The following PPFIA1 variants were observed in gnomAD, a reference collection of about 807,000 sequenced individuals.
PPFIA1 encodes the protein liprin-alpha-1.
Under a neutral mutation model 149.9 loss-of-function variants are expected in PPFIA1, and 25 were observed. The observed-to-expected ratio is 0.17, with a 90% confidence interval of 0.12 to 0.23. The LOEUF (loss-of-function observed/expected upper bound fraction) is 0.23, where lower values mean the gene tolerates loss of function less well. Among genes scored for constraint, PPFIA1 ranks in the 10% least tolerant of loss-of-function variants. The pLI, the probability that PPFIA1 is intolerant of heterozygous loss-of-function variation, is 1.00. For synonymous variants in PPFIA1, 549 were observed against 552.8 expected (o/e 0.99, Z 0.10); for missense variants, 1,362 against 1,506.5 (o/e 0.90, Z 1.59).
intron 21 of PPFIA1, among the ~76,000 whole-genome samples, chr11:70,370,344 C>T (rs760980563): frequency 4.4e-4 from 66 of 151,540 alleles, no homozygotes; most frequent in Non-Finnish European, 1.5e-4. Flanking sequence ...TACCTTGTTC[C>T]TTCTGCTTGC....
At chr11:70,335,492 G>C in intron 10 of PPFIA1, 71 bp from the exon 11 acceptor site, 1 of 1,565,408 alleles carries the variant, frequency 6.4e-7, no homozygotes, top group Non-Finnish European at 8.7e-7. Flanking sequence ...CACCCTGTTG[G>C]TCCTTGTGCT....
intron 2 of PPFIA1, among the ~76,000 whole-genome samples, chr11:70,298,185 T>C (rs1237849857): frequency 6.6e-6 from 1 of 152,244 alleles, no homozygotes; most frequent in East Asian, 1.9e-4. Context: ...CATGTTACTT[T>C]TATTCCTGTT....
At chr11:70,314,511 A>G (rs935501119) in intron 2 of PPFIA1, among the ~76,000 whole-genome samples, 1 of 152,174 alleles carries the variant, frequency 6.6e-6, no homozygotes, top group African/African-American at 2.4e-5. Context: ...AAAAATTAAA[A>G]CAAAAAAAAA....
At chr11:70,288,523 A>G (rs1305996782) in intron 2 of PPFIA1, among the ~76,000 whole-genome samples, 1 of 152,010 alleles carries the variant, frequency 6.6e-6, no homozygotes, top group Non-Finnish European at 1.5e-5. Flanking sequence ...CGTCAACCTC[A>G]TGGTTTTAGT....
chr11:70,341,408 G>A (rs1188553808), intron 14 of PPFIA1, among the ~76,000 whole-genome samples: 1 of 152,050 alleles, frequency 6.6e-6, no homozygotes, highest in Non-Finnish European at 1.5e-5. Flanking sequence ...AGGAAAGAGA[G>A]GAAGTCAAAG....
chr11:70,328,566 A>G lies in PPFIA1; in HGVS notation c.931-1607A>G, dbSNP rs561313524. On this transcript the variant is annotated intron_variant, in intron 7 of 27. Coordinates refer to ENST00000253925, the MANE Select transcript of PPFIA1 (RefSeq NM_003626.5). ...CGTGTGCGTGTGTCTTTATAATACA[A>G]CGATTTATATTCCTTTGGGTATATA... Among the ~76,000 whole-genome samples, 346 of 152,234 alleles carry G rather than the reference A, an allele frequency of 2.3e-3. 4 individuals carry two copies. The highest frequency in any genetic ancestry group is 7.8e-3 in the African/African-American group (325 of 41,548).
chr11:70,271,268 C>T (rs992436350), intron 1 of PPFIA1: 12 of 152,338 alleles, frequency 7.9e-5, no homozygotes, highest in African/African-American at 2.9e-4. Flanking sequence ...GCACCTGATA[C>T]AGGAGGGGAG....
chr11:70,302,983 T>A (rs2052588297), intron 2 of PPFIA1, among the ~76,000 whole-genome samples: 1 of 152,168 alleles, frequency 6.6e-6, no homozygotes, highest in Non-Finnish European at 1.5e-5. Flanking sequence ...ACCTGTTTAT[T>A]AAATTAGCAA....
intron 2 of PPFIA1, among the ~76,000 whole-genome samples, chr11:70,274,716 T>A (rs987039775): frequency 1.3e-5 from 2 of 152,078 alleles, no homozygotes; most frequent in African/African-American, 4.8e-5. Flanking sequence ...GGTGCAGATG[T>A]CTATAAACTT....
intron 2 of PPFIA1, among the ~76,000 whole-genome samples, chr11:70,305,520 C>T (rs1273665354): frequency 6.6e-6 from 1 of 152,094 alleles, no homozygotes; most frequent in African/African-American, 2.4e-5. Flanking sequence ...TGCAGAGGCA[C>T]ACCACCACGC....
intron 2 of PPFIA1, among the ~76,000 whole-genome samples, chr11:70,310,704 AC>A (rs1391586443): frequency 1.8e-4 from 27 of 152,246 alleles, no homozygotes; most frequent in Admixed American, 1.7e-3. Flanking sequence ...TTCTAAAAGC[AC>A]TAAGGGCTTT....
chr11:70,345,400 G>A (rs1300105958), intron 15 of PPFIA1, among the ~76,000 whole-genome samples: 7 of 151,950 alleles, frequency 4.6e-5, no homozygotes, highest in East Asian at 1.9e-4. Flanking sequence ...GAGCAGGGGC[G>A]TGAAGGAGGA....
chr11:70,313,368 A>T (rs571564832), intron 2 of PPFIA1, among the ~76,000 whole-genome samples: 2 of 152,190 alleles, frequency 1.3e-5, no homozygotes, highest in African/African-American at 4.8e-5. Context: ...CTTAAGGGCA[A>T]TGGGAAGTTA....
At chr11:70,307,483 A>G (rs1013726903) in intron 2 of PPFIA1, among the ~76,000 whole-genome samples, 69 of 152,222 alleles carry the variant, frequency 4.5e-4, no homozygotes, top group African/African-American at 1.6e-3. Flanking sequence ...AAAAATCTCT[A>G]GATAAACAGG....
chr11:70,284,282 A>G (rs12279046), intron 2 of PPFIA1, among the ~76,000 whole-genome samples: 34,255 of 152,090 alleles, frequency 0.23, 5,965 homozygotes, highest in African/African-American at 0.48. Context: ...AAAATACCAT[A>G]CTTGTTTTCA....
intron 2 of PPFIA1, among the ~76,000 whole-genome samples, chr11:70,295,788 C>G (rs1408959202): frequency 6.6e-6 from 1 of 151,728 alleles, no homozygotes; most frequent in Non-Finnish European, 1.5e-5. Flanking sequence ...CGGGCTGACC[C>G]CCACCTCCCT....
intron 2 of PPFIA1, among the ~76,000 whole-genome samples, chr11:70,304,417 C>T (rs995805736): frequency 2.0e-5 from 3 of 152,170 alleles, no homozygotes; most frequent in East Asian, 3.8e-4. Context: ...GCCCTCCCGT[C>T]TTAGCCTCCC....
At chr11:70,279,506 TTC>T (rs2050612534) in intron 2 of PPFIA1, among the ~76,000 whole-genome samples, 1 of 152,176 alleles carries the variant, frequency 6.6e-6, no homozygotes, top group African/African-American at 2.4e-5. Flanking sequence ...GTTTTGGCTC[TTC>T]TCTCTATAAA....
At position 70,312,807 on chromosome 11, in the gene PPFIA1, A is replaced by T. The variant is rs557493408; in HGVS notation, c.265-11595A>T. ...ACTGGGTTCCCCCTGGGTGCCCAGC[A>T]CTTTGTCACAGGTCTGGGCTTCTGC... is the stretch of plus-strand genomic sequence containing the variant. On this transcript the variant is annotated intron_variant, in intron 2 of 27. Transcript: ENST00000253925. Among the ~76,000 whole-genome samples, 5 of 152,294 alleles carry T rather than the reference A, an allele frequency of 3.3e-5. No homozygotes were observed. In the East Asian group the frequency reaches 7.7e-4, roughly 24 times the overall value.
Sources: gnomAD v4.1 joint callset for allele counts (sites outside exome capture counted in the v4.1 genomes callset) on GRCh38, gnomAD v4.1.1 for gene constraint, MANE v1.5 for transcripts, NCBI Gene and HGNC (gene_info 2026-07-23, HGNC 2026-07-21) for gene names.